The following COL28A1 variants were observed in gnomAD, a reference collection of about 807,000 sequenced individuals.
The protein encoded by COL28A1 is collagen alpha-1(XXVIII) chain.
Under a neutral mutation model 150.2 loss-of-function variants are expected in COL28A1, and 161 were observed. The observed-to-expected ratio is 1.07, with a 90% CI of 0.94 to 1.22. The LOEUF is 1.22. Among genes scored for constraint, COL28A1 ranks in the 50% most tolerant of loss-of-function variants. The pLI is 0.00. For missense variants in COL28A1, 1,617 were observed against 1,388.3 expected (o/e 1.16, Z -2.62); for synonymous variants, 552 against 469.7 (o/e 1.18, Z -2.26).
intron 1 of COL28A1, among the ~76,000 whole-genome samples, chr7:7,535,327 G>A (rs1336741946): frequency 2.0e-5 from 3 of 152,034 alleles, no homozygotes; most frequent in Non-Finnish European, 4.4e-5. Context: ...TTATATCAGA[G>A]TTCACCAACT....
At chr7:7,440,909 C>T (rs1322386633) in intron 20 of COL28A1, 48 bp from the exon 21 acceptor site, 3 of 904,538 alleles carry the variant, frequency 3.3e-6, no homozygotes, top group Admixed American at 3.5e-5. Flanking sequence ...GTATTAGCAA[C>T]CTCCCCTAAT....
intron 30 of COL28A1, among the ~76,000 whole-genome samples, chr7:7,378,626 A>G (rs755625504): frequency 6.6e-6 from 1 of 152,180 alleles, no homozygotes; most frequent in African/African-American, 2.4e-5. Context: ...GGGAGAGGAA[A>G]GAGGCCTTCT....
At chr7:7,423,576 G>A (rs1784490343) in intron 25 of COL28A1, among the ~76,000 whole-genome samples, 1 of 151,850 alleles carries the variant, frequency 6.6e-6, no homozygotes, top group African/African-American at 2.4e-5. Context: ...TTTAACATAG[G>A]GATACGGAGA....
At chr7:7,420,274 G>A (rs1014768310) in intron 25 of COL28A1, 19 of 175,820 alleles carry the variant, frequency 1.1e-4, no homozygotes, top group Non-Finnish European at 1.8e-4. Flanking sequence ...CAACCATTAA[G>A]AAATATAATC....
the COL28A1 span, among the ~76,000 whole-genome samples, chr7:7,543,399 T>C: frequency 6.6e-6 from 1 of 152,246 alleles, no homozygotes; most frequent in African/African-American, 2.4e-5. Context: ...GTTTTTTTCT[T>C]ATTCAACTGT....
intron 15 of COL28A1, among the ~76,000 whole-genome samples, chr7:7,463,634 C>T (rs748100158): frequency 1.5e-4 from 23 of 152,136 alleles, no homozygotes; most frequent in Non-Finnish European, 3.4e-4. Flanking sequence ...GAGAATTTGC[C>T]ACTACCAACC....
chr7:7,367,066 T>C (rs368175353), intron 33 of COL28A1, among the ~76,000 whole-genome samples: 1 of 152,210 alleles, frequency 6.6e-6, no homozygotes. Context: ...CCGATTATAA[T>C]ACTGTATTTT....
At chr7:7,419,813 T>C in intron 26 of COL28A1, 72 bp downstream of exon 26, 1 of 940,848 alleles carries the variant, frequency 1.1e-6, no homozygotes, top group South Asian at 2.4e-5. Flanking sequence ...ACACTTATTA[T>C]GAAGTTACTG....
chr7:7,493,895 A>C (rs566528175), intron 11 of COL28A1, among the ~76,000 whole-genome samples: 171 of 152,128 alleles, frequency 1.1e-3, no homozygotes, highest in African/African-American at 3.9e-3. Flanking sequence ...ATGCCCAAAA[A>C]ATTGCATGCC....
chr7:7,443,986 G>GTTTTTTTTTT (rs71010980), intron 19 of COL28A1, among the ~76,000 whole-genome samples: 3 of 95,544 alleles, frequency 3.1e-5, no homozygotes, highest in Non-Finnish European at 4.1e-5. Context: ...TCCATCTGCT[G>GTTTTTTTTTT]TTTTTTTTTT....
chr7:7,379,855 G>A (rs1290550034), intron 30 of COL28A1, among the ~76,000 whole-genome samples: 3 of 152,042 alleles, frequency 2.0e-5, no homozygotes, highest in South Asian at 2.1e-4. Context: ...CTTGTGGTGG[G>A]GAACAACAAA....
chr7:7,526,424 G>C (rs1325896354), intron 3 of COL28A1, among the ~76,000 whole-genome samples: 1 of 152,158 alleles, frequency 6.6e-6, no homozygotes, highest in East Asian at 1.9e-4. Context: ...AATATGATCT[G>C]ATTTATTAAA....
Position 7,375,425 on chromosome 7 carries a change from C to T in COL28A1, c.2359+36G>A, listed in dbSNP as rs376272294. On this transcript the variant is annotated intron_variant, in intron 31 of 34. Transcript: ENST00000399429. ...AGCACAGTACATAGTGGGGCTGATGCTTTAAAGTGATGTTTTTTCCTTGAT... is the reference window on the plus strand; with the variant it reads ...AGCACAGTACATAGTGGGGCTGATGTTTTAAAGTGATGTTTTTTCCTTGAT... 61 of 1,555,306 alleles carry T rather than the reference C, an allele frequency of 3.9e-5. No individual in the cohort carries two copies. The African/African-American group carries it at 7.0e-4, about 18-fold the overall frequency.
At chr7:7,424,840 C>A (rs945655093) in intron 25 of COL28A1, among the ~76,000 whole-genome samples, 2 of 152,070 alleles carry the variant, frequency 1.3e-5, no homozygotes, top group Non-Finnish European at 2.9e-5. Context: ...GGACTGTCTG[C>A]AGTATTTGTG....
At chr7:7,432,384 T>C (rs1785032610) in intron 25 of COL28A1, 89 bp downstream of exon 25, 8 of 977,038 alleles carry the variant, frequency 8.2e-6, no homozygotes, top group Admixed American at 2.0e-5. Context: ...TCTACTCTTC[T>C]AGCTGATAAA....
At chr7:7,419,550 AC>A (rs1784282240) in intron 26 of COL28A1, among the ~76,000 whole-genome samples, 2 of 152,284 alleles carry the variant, frequency 1.3e-5, no homozygotes, top group South Asian at 4.2e-4. Flanking sequence ...TTAGCAGGTG[AC>A]CTGTTAAAAA....
At chr7:7,475,859 T>C (rs1402982671) in intron 14 of COL28A1, among the ~76,000 whole-genome samples, 1 of 152,216 alleles carries the variant, frequency 6.6e-6, no homozygotes, top group Non-Finnish European at 1.5e-5. Flanking sequence ...TCAAAGGTGT[T>C]AGTAATATCC....
chr7:7,349,774 T>C, the COL28A1 span, among the ~76,000 whole-genome samples: 1 of 152,144 alleles, frequency 6.6e-6, no homozygotes, highest in Non-Finnish European at 1.5e-5. Flanking sequence ...TTTTGGTTGT[T>C]TCAGGCATGA....
At chr7:7,514,815 G>A (rs945449929) in intron 8 of COL28A1, among the ~76,000 whole-genome samples, 12 of 152,052 alleles carry the variant, frequency 7.9e-5, no homozygotes, top group Admixed American at 3.3e-4. Context: ...AAGATGCCCC[G>A]GGTAGCACAA....
Sources: gnomAD v4.1 joint callset for allele counts (sites outside exome capture counted in the v4.1 genomes callset) on GRCh38, gnomAD v4.1.1 for gene constraint, MANE v1.5 for transcripts, NCBI Gene and HGNC (gene_info 2026-07-23, HGNC 2026-07-21) for gene names.